ASB7: variants seen among roughly 807,000 people sequenced by gnomAD.
ASB7 encodes ankyrin repeat and SOCS box containing 7, also known as ankyrin repeat and SOCS box protein 7.
ASB7 carries 4 observed loss-of-function variants against 32.5 expected under a neutral mutation model. The observed-to-expected ratio is 0.12, with a 90% CI of 0.06 to 0.28. The LOEUF (loss-of-function observed/expected upper bound fraction) is 0.28, where lower values mean the gene tolerates loss of function less well. ASB7 is among the 10% of genes least tolerant of loss of function. The pLI is 1.00. For missense variants in ASB7, 181 were observed against 407.1 expected, an observed-to-expected ratio of 0.44 and a Z score of 4.78; for synonymous variants, 172 against 155.6, an observed-to-expected ratio of 1.11 and a Z score of -0.78.
At chr15:100,634,382 A>G (rs1051875771) in intron 5 of ASB7, among the ~76,000 whole-genome samples, 7 of 152,250 alleles carry the variant, frequency 4.6e-5, no homozygotes, top group Admixed American at 2.0e-4. Flanking sequence ...TTCAAAGAGA[A>G]GTAGGAGAAA....
At chr15:100,632,626 G>T (rs1343430728) in intron 5 of ASB7, among the ~76,000 whole-genome samples, 1 of 152,120 alleles carries the variant, frequency 6.6e-6, no homozygotes, top group Non-Finnish European at 1.5e-5. Context: ...CGCAGCCCCA[G>T]GCATCATGCT....
intron 4 of ASB7, among the ~76,000 whole-genome samples, chr15:100,616,220 A>C (rs1406156011): frequency 1.3e-5 from 2 of 152,108 alleles, no homozygotes; most frequent in Non-Finnish European, 2.9e-5. Flanking sequence ...AAACATTGCA[A>C]GACTGGGCTT....
intron 5 of ASB7, among the ~76,000 whole-genome samples, chr15:100,635,983 T>C (rs986247377): frequency 1.3e-5 from 2 of 152,168 alleles, no homozygotes; most frequent in Admixed American, 6.5e-5. Flanking sequence ...CTTTACTGGC[T>C]CTTTACCTTG....
At chr15:100,610,340 A>G (rs1444091155) in intron 3 of ASB7, among the ~76,000 whole-genome samples, 1 of 152,018 alleles carries the variant, frequency 6.6e-6, no homozygotes, top group African/African-American at 2.4e-5. Flanking sequence ...TAAAAATACA[A>G]AAAAATTAGC....
chr15:100,619,243 G>A (rs1435487541), intron 4 of ASB7, among the ~76,000 whole-genome samples: 14 of 152,196 alleles, frequency 9.2e-5, no homozygotes, highest in South Asian at 6.2e-4. Context: ...TGCGTGTGAC[G>A]GGTTGAAGGA....
intron 4 of ASB7, among the ~76,000 whole-genome samples, chr15:100,617,811 G>T (rs762571425): frequency 6.6e-6 from 1 of 152,100 alleles, no homozygotes; most frequent in Non-Finnish European, 1.5e-5. Flanking sequence ...TTTTGCTTCC[G>T]TCAAGAAAGA....
chr15:100,620,549 G>A (rs1160145687), intron 4 of ASB7, among the ~76,000 whole-genome samples: 1 of 80,728 alleles, frequency 1.2e-5, no homozygotes, highest in Non-Finnish European at 3.6e-5. Flanking sequence ...TACAAACCCT[G>A]GTAGTCTTTA....
chr15:100,618,767 G>T (rs1341756556), intron 4 of ASB7, among the ~76,000 whole-genome samples: 1 of 152,108 alleles, frequency 6.6e-6, no homozygotes, highest in Non-Finnish European at 1.5e-5. Flanking sequence ...CAGGCCCAGG[G>T]TTGGGCCCCA....
chr15:100,604,715 C>T (rs2039625627), intron 2 of ASB7, among the ~76,000 whole-genome samples: 1 of 152,120 alleles, frequency 6.6e-6, no homozygotes, highest in Admixed American at 6.5e-5. Context: ...CTGTTGAAAA[C>T]TTAGGGCAGC....
chr15:100,629,661 C>T lies in ASB7; in HGVS notation c.436C>T (p.Leu146Phe). 6.2e-7 allele frequency: 1 copy of T among 1,614,226 alleles called. No homozygotes were observed. Among genetic ancestry groups the T allele is most frequent in the Non-Finnish European group, 8.5e-7 (1 of 1,180,040 alleles). ...LLEFKAEVDP[L>F]SDKGTTPLQL... Reference sequence around the variant, plus strand: ...GGAGTTCAAGGCTGAGGTTGACCCACTCAGTGATAAAGGTACCACACCGCT... The same window carrying T: ...GGAGTTCAAGGCTGAGGTTGACCCATTCAGTGATAAAGGTACCACACCGCT... The change falls in exon 5 of 6, where the codon CTC becomes TTC. Residue 146 changes from leucine (L) to phenylalanine (F), a missense_variant. Physicochemically the swap from Leu to Phe is conservative, Grantham distance 22 (BLOSUM62 0). Transcript: ENST00000332783. The surrounding 1 kb of genome is among the most constrained non-coding windows in gnomAD (Gnocchi z 6.8).
chr15:100,604,085 C>G (rs1403756376), intron 2 of ASB7, among the ~76,000 whole-genome samples: 1 of 152,188 alleles, frequency 6.6e-6, no homozygotes, highest in Non-Finnish European at 1.5e-5. Context: ...TCGTTTGACT[C>G]AGGAATTTAA....
intron 4 of ASB7, among the ~76,000 whole-genome samples, chr15:100,627,765 G>A (rs549904922): frequency 6.6e-6 from 1 of 152,332 alleles, no homozygotes; most frequent in East Asian, 1.9e-4. Context: ...TTCACTTGCA[G>A]ATTAAGAGGG....
At position 100,603,006 on chromosome 15, in the gene ASB7, G is replaced by A. The variant is rs2039569966; in HGVS notation, c.-313G>A. 5.0e-6 allele frequency: 2 copies of A among 399,340 alleles called. No individual in the cohort carries two copies. The highest frequency in any genetic ancestry group is 2.1e-5 in the African/African-American group (1 of 48,650). 24.7% of individuals were successfully genotyped at this position (399,340 alleles called of 1,614,324 possible). A position where few individuals can be genotyped will look rare whatever the true frequency, so the allele number is the denominator to read the frequency against. On this transcript the variant is annotated 5_prime_UTR_variant, in exon 1 of 6. Transcript: ENST00000332783. ...AATGGAGAAGTTGGTGAGTGTAGAG[G>A]AGGCTGAAAGGAGGAAGAGAAGCAG...
At chr15:100,644,646 G>A (rs2039985435) in intron 5 of ASB7, among the ~76,000 whole-genome samples, 1 of 152,190 alleles carries the variant, frequency 6.6e-6, no homozygotes, top group South Asian at 2.1e-4. Flanking sequence ...TGAGGAAGAT[G>A]GGCATTAATT....
chr15:100,646,745 CA>C (rs1479049960), intron 5 of ASB7: 4 of 159,430 alleles, frequency 2.5e-5, no homozygotes, highest in African/African-American at 9.6e-5. Context: ...AGAGACAGCT[CA>C]AAATTACACT....
At chr15:100,616,719 T>C (rs1567112930) in intron 4 of ASB7, among the ~76,000 whole-genome samples, 1 of 152,368 alleles carries the variant, frequency 6.6e-6, no homozygotes, top group South Asian at 2.1e-4. Context: ...CTTTCCCTAG[T>C]AGAATAAGAG....
At chr15:100,622,896 C>G (rs149873194) in intron 4 of ASB7, among the ~76,000 whole-genome samples, 1 of 152,240 alleles carries the variant, frequency 6.6e-6, no homozygotes, top group East Asian at 1.9e-4. Context: ...TGGCTAAGAC[C>G]TCAGAAACAC....
intron 5 of ASB7, among the ~76,000 whole-genome samples, chr15:100,640,271 A>G (rs939715446): frequency 3.3e-5 from 5 of 152,060 alleles, no homozygotes; most frequent in African/African-American, 1.2e-4. Context: ...CAGCCTCCTG[A>G]GTAGTTGGGA....
intron 4 of ASB7, among the ~76,000 whole-genome samples, chr15:100,617,052 A>G (rs2039750084): frequency 6.6e-6 from 1 of 152,168 alleles, no homozygotes; most frequent in Admixed American, 6.5e-5. Flanking sequence ...CTTACCTCTA[A>G]TATGACTGAT....
Sources: allele counts gnomAD v4.1 joint callset (sites outside exome capture counted in the v4.1 genomes callset), GRCh38; gene constraint gnomAD v4.1.1; non-coding constraint Gnocchi (gnomAD v3.1); transcripts MANE v1.5; gene names NCBI Gene and HGNC (gene_info 2026-07-23, HGNC 2026-07-21).